CAPN6: variants seen among roughly 807,000 people sequenced by gnomAD.
The protein encoded by CAPN6 is calpain-6.
Under a neutral mutation model 46.0 loss-of-function variants are expected in CAPN6, and 16 were observed. The ratio of observed to expected loss-of-function variants is 0.35; its 90% confidence interval spans 0.24 to 0.53. CAPN6 has a LOEUF of 0.53. CAPN6 is among the 20% of genes least tolerant of loss of function. The probability of loss-of-function intolerance (pLI) is 0.94; values close to 1 mark genes in which losing one functional copy is unlikely to be tolerated. For missense variants in CAPN6, 461 were observed against 498.0 expected (o/e 0.93, Z 0.71); for synonymous variants, 206 against 172.8 (o/e 1.19, Z -1.51).
In CAPN6 at chrX:111,246,436, G is replaced by A. The variant is rs951413263; in HGVS notation, c.*141C>T. The A allele has an allele frequency of 5.7e-6, 3 of 528,083 alleles. No homozygotes were observed. Among genetic ancestry groups the A allele is most frequent in the Non-Finnish European group, 9.3e-6 (3 of 322,753 alleles). 43.5% of individuals were successfully genotyped at this position (528,083 alleles called of 1,213,427 possible). A position where few individuals can be genotyped will look rare whatever the true frequency, so the allele number is the denominator to read the frequency against. On this transcript the variant is annotated 3_prime_UTR_variant, in exon 13 of 13. Coordinates refer to ENST00000324068, the MANE Select transcript of CAPN6 (RefSeq NM_014289.4). The stretch of plus-strand genomic sequence containing the variant: ...AGATGCTACTTGGATTGGGAGGTAT[G>A]GGGAATTTATCAGAAGAGAGGAAGA...
chrX:111,257,819 G>A (rs191843569), intron 2 of CAPN6, among the ~76,000 whole-genome samples: 2 of 111,593 alleles, frequency 1.8e-5, no homozygotes, highest in East Asian at 2.8e-4. Flanking sequence ...GGTGGCTTAG[G>A]AGCAAGGAGG....
intron 2 of CAPN6, among the ~76,000 whole-genome samples, chrX:111,255,767 T>C (rs1056038379): frequency 3.6e-5 from 4 of 111,685 alleles, no homozygotes; most frequent in Non-Finnish European, 5.6e-5. Context: ...CAAAGACAAG[T>C]CCAAGCTGGA....
Position 111,248,595 on chromosome X carries a change from G to T in CAPN6, c.1458C>A (p.Ile486=). The T allele has an allele frequency of 8.3e-7, 1 of 1,208,982 alleles. No individual in the cohort carries two copies. The highest frequency in any genetic ancestry group is 3.0e-5 in the East Asian group (1 of 33,821). Residue 486 remains isoleucine, a synonymous_variant, in exon 10 of 13, where the codon ATC becomes ATA. Transcript: ENST00000324068. ...TGAGCTGGACAGGCACTTCAGAGAA[G>T]ATTCTCAGGAGAAACTCGCTGGTGC... The part of the protein sequence containing the change: ...HGRTSEFLLR[I]FSEVPVQLRE...
At chrX:111,247,750 C>A in intron 11 of CAPN6, 121 bp downstream of exon 11, 1 of 871,221 alleles carries the variant, frequency 1.1e-6, no homozygotes. Flanking sequence ...TGGTTGCCAT[C>A]CATTCCCAAC....
rs771389671 is a variant in CAPN6 at position 111,248,930 on chromosome X, T to A, written c.1281+5A>T. 5.0e-6 allele frequency: 6 copies of A among 1,211,764 alleles called. No individual in the cohort carries two copies. In the East Asian group the frequency reaches 1.2e-4, roughly 24 times the overall value. ...ATTCTCTCTGCCCCAAATGCCCATT[T>A]TTACCTTGAAGAGCTCAAAGCCAAT... On this transcript the variant is annotated splice_donor_5th_base_variant and intron_variant, in intron 9 of 12. Transcript: ENST00000324068.
At chrX:111,268,900 A>G (rs1369484364) in intron 1 of CAPN6, among the ~76,000 whole-genome samples, 2 of 112,209 alleles carry the variant, frequency 1.8e-5, no homozygotes, top group Non-Finnish European at 3.8e-5. Context: ...TTTTTTTTAA[A>G]CCACAATTTG....
intron 8 of CAPN6, among the ~76,000 whole-genome samples, chrX:111,250,354 G>A (rs2094978161): frequency 9.0e-6 from 1 of 111,433 alleles, no homozygotes; most frequent in Admixed American, 9.5e-5. Context: ...ACTTGACCCT[G>A]TTATGTCACC....
chrX:111,250,413 G>A (rs1416338105), intron 8 of CAPN6, among the ~76,000 whole-genome samples: 2 of 111,230 alleles, frequency 1.8e-5, no homozygotes. Context: ...CGTTGACAGG[G>A]CAATGATTCA....
In CAPN6 at chrX:111,263,046, A is replaced by T. The variant is rs766776928; in HGVS notation, c.165+726T>A. 5.3e-5 allele frequency among the ~76,000 whole-genome samples: 6 copies of T among 112,317 alleles called. No homozygotes were observed. The East Asian group carries it at 1.4e-3, about 26-fold the overall frequency. ...TTTCTCCTCACTGGTCTGAAATTAC[A>T]TTTAAATTGTTATGACAGGTAACTC... On this transcript the variant is annotated intron_variant, in intron 2 of 12. Coordinates refer to ENST00000324068, the MANE Select transcript of CAPN6 (RefSeq NM_014289.4).
rs763551345 is a variant in CAPN6, at chrX:111,252,470, C to T, written c.536G>A (p.Gly179Asp). 4.4e-5 allele frequency: 53 copies of T among 1,205,480 alleles called. No homozygotes were observed. Among genetic ancestry groups the T allele is most frequent in the Non-Finnish European group, 4.1e-5 (37 of 893,552 alleles). ...KLLGCYEALDGLTITDIIVDF... is the reference protein window; with the variant it reads ...KLLGCYEALDDLTITDIIVDF... The stretch of plus-strand genomic sequence containing the variant: ...CACAATAATATCAGTGATGGTCAAA[C>T]CATCCAGGGCCTCATAACAGCCTAG... The change falls in exon 5 of 13, where the codon GGT becomes GAT. Residue 179 changes from glycine to aspartate, a missense_variant. Transcript: ENST00000324068.
intron 2 of CAPN6, among the ~76,000 whole-genome samples, chrX:111,263,310 C>G (rs754634843): frequency 1.8e-5 from 2 of 111,709 alleles, no homozygotes; most frequent in Non-Finnish European, 3.8e-5. Context: ...AACAAAACAA[C>G]TATTGATACA....
rs758370337 is a variant in CAPN6 at position 111,252,976 on chromosome X, C to A, written c.506+32G>T. On this transcript the variant is annotated intron_variant, in intron 4 of 12. Coordinates refer to ENST00000324068, the MANE Select transcript of CAPN6 (RefSeq NM_014289.4). The stretch of plus-strand genomic sequence containing the variant: ...ATGTGGCTTTCCTTTCCTCATGTAC[C>A]CTGATAGCAGACTAGTCAATCACCT... 8 of 1,120,784 alleles carry A rather than the reference C, an allele frequency of 7.1e-6. No homozygotes were observed. In the South Asian group the frequency reaches 1.5e-4, roughly 21 times the overall value. 92.4% of individuals were successfully genotyped at this position (1,120,784 alleles called of 1,213,427 possible).
At position 111,248,901 on chromosome X, in the gene CAPN6, C is replaced by T. The variant is rs2094976830; in HGVS notation, c.1281+34G>A. On this transcript the variant is annotated intron_variant, in intron 9 of 12. Transcript: ENST00000324068. ...TTATCCTAATTTTTACTCTGTTTGC[C>T]TTCATTCTCTCTGCCCCAAATGCCC... The T allele has an allele frequency of 2.5e-6, 3 of 1,210,198 alleles. No homozygotes were observed. The African/African-American group carries it at 5.2e-5, about 21-fold the overall frequency.
chrX:111,270,418 TGC>T lies in CAPN6; in HGVS notation c.-65_-64del. 2.8e-6 allele frequency: 1 copy of T among 353,594 alleles called. No homozygotes were observed. Among genetic ancestry groups the T allele is most frequent in the Admixed American group, 3.1e-5 (1 of 32,783 alleles). 29.1% of individuals were successfully genotyped at this position (353,594 alleles called of 1,213,427 possible). On this transcript the variant is annotated 5_prime_UTR_variant, in exon 1 of 13. Transcript: ENST00000324068. ...CTGCTGCTGCTGCTGCTGCTGCTGC[TGC>T]TGCTGCCGTTGCCGCTGCTGCTGTT...
At chrX:111,260,204 A>G (rs190568913) in intron 2 of CAPN6, among the ~76,000 whole-genome samples, 1 of 110,896 alleles carries the variant, frequency 9.0e-6, no homozygotes, top group East Asian at 2.9e-4. Context: ...GAGGCTCCTT[A>G]AAACACAGCA....
chrX:111,248,295 A>G (rs760277263), intron 10 of CAPN6, among the ~76,000 whole-genome samples: 1 of 112,453 alleles, frequency 8.9e-6, no homozygotes, highest in Non-Finnish European at 1.9e-5. Flanking sequence ...GCCATCAGCC[A>G]GAAAACAGAA....
chrX:111,252,196 C>A (rs2094980125), intron 5 of CAPN6, 111 bp downstream of exon 5: 1 of 592,967 alleles, frequency 1.7e-6, no homozygotes, highest in Admixed American at 3.4e-5. Flanking sequence ...TTCCAAGTCC[C>A]ATTAATAGTT....
chrX:111,255,969 A>G (rs887770070), intron 2 of CAPN6, among the ~76,000 whole-genome samples: 1 of 112,198 alleles, frequency 8.9e-6, no homozygotes, highest in African/African-American at 3.2e-5. Context: ...AACATAGAGC[A>G]GGTATGTTGG....
intron 8 of CAPN6, among the ~76,000 whole-genome samples, chrX:111,250,122 G>T (rs955570040): frequency 3.6e-5 from 4 of 111,086 alleles, no homozygotes; most frequent in African/African-American, 6.6e-5. Flanking sequence ...AGAGCAGTAT[G>T]AGTTAGGTGA....
Sources: gnomAD v4.1 joint callset for allele counts (sites outside exome capture counted in the v4.1 genomes callset) on GRCh38, gnomAD v4.1.1 for gene constraint, MANE v1.5 for transcripts, NCBI Gene and HGNC (gene_info 2026-07-23, HGNC 2026-07-21) for gene names.